The following RBFOX3 variants were observed in gnomAD, a reference collection of about 807,000 sequenced individuals.
RBFOX3 encodes the protein RNA binding protein fox-1 homolog 3.
In RBFOX3, 17 loss-of-function variants were observed where a neutral mutation model predicts 48.7. That is an observed-to-expected ratio of 0.35 (90% CI 0.24 to 0.52). RBFOX3 has a LOEUF of 0.52. Among genes scored for constraint, RBFOX3 ranks in the 20% least tolerant of loss-of-function variants. The pLI, the probability that RBFOX3 is intolerant of heterozygous loss-of-function variation, is 0.94. For synonymous variants in RBFOX3, 212 were observed against 209.5 expected (o/e 1.01, Z -0.10); for missense variants, 382 against 497.5 (o/e 0.77, Z 2.21).
At chr17:79,604,919 T>C (rs2093792946) in intron 1 of RBFOX3, among the ~76,000 whole-genome samples, 1 of 152,172 alleles carries the variant, frequency 6.6e-6, no homozygotes, top group Admixed American at 6.5e-5. Context: ...GGCATTTGCT[T>C]GGTGTCCAAG....
chr17:79,372,456 C>G lies in RBFOX3; in HGVS notation c.-174-64632G>C, dbSNP rs1221940024. ...ATGACCCCCCAGTTTTATGTCTCCC[C>G]CCTGGACTTATGGGCCAGTCCATGG... On this transcript the variant is annotated intron_variant, in intron 2 of 14. Transcript: ENST00000693108. Among the ~76,000 whole-genome samples, 3 of 150,740 alleles carry G rather than the reference C, an allele frequency of 2.0e-5. No individual in the cohort carries two copies. In the East Asian group the frequency reaches 5.9e-4, roughly 30 times the overall value.
At chr17:79,344,540 A>ATTAATTATTTATTTAT in intron 2 of RBFOX3, among the ~76,000 whole-genome samples, 1 of 147,436 alleles carries the variant, frequency 6.8e-6, no homozygotes, top group East Asian at 2.0e-4. Flanking sequence ...ACTTTGTTTG[A>ATTAATTATTTATTTAT]TTATTTATTT....
intron 3 of RBFOX3, among the ~76,000 whole-genome samples, chr17:79,275,404 T>G (rs1600356844): frequency 1.3e-5 from 2 of 152,222 alleles, no homozygotes; most frequent in African/African-American, 4.8e-5. Context: ...TGTTCTGTTC[T>G]CTGCTGAGCA....
At chr17:79,152,238 C>T (rs1209204284) in intron 4 of RBFOX3, among the ~76,000 whole-genome samples, 1 of 152,132 alleles carries the variant, frequency 6.6e-6, no homozygotes, top group Non-Finnish European at 1.5e-5. Flanking sequence ...CCCAGCTGCT[C>T]TCTAGCACCT....
chr17:79,276,187 G>A lies in RBFOX3; in HGVS notation c.-74+31537C>T, dbSNP rs78913255. ...GAGCAGAGCCATCCAGGGATGGAGA[G>A]CAGAGGACTGTCCCCCAAGGGCTGG... is the stretch of plus-strand genomic sequence containing the variant. On this transcript the variant is annotated intron_variant, in intron 3 of 14. Transcript: ENST00000693108. Among the ~76,000 whole-genome samples the A allele has an allele frequency of 2.8e-4, 43 of 152,344 alleles. No homozygotes were observed. In the East Asian group the frequency reaches 7.9e-3, roughly 28 times the overall value.
At chr17:79,627,436 T>C in the RBFOX3 span, among the ~76,000 whole-genome samples, 1 of 152,204 alleles carries the variant, frequency 6.6e-6, no homozygotes, top group Non-Finnish European at 1.5e-5. Context: ...GGCTCAGCTC[T>C]GCCTGCCTGC....
intron 2 of RBFOX3, among the ~76,000 whole-genome samples, chr17:79,431,416 C>T (rs1215703321): frequency 3.3e-5 from 5 of 152,048 alleles, no homozygotes; most frequent in East Asian, 1.9e-4. Context: ...CGGGTTCAAA[C>T]GATTCTCCTG....
intron 2 of RBFOX3, among the ~76,000 whole-genome samples, chr17:79,426,940 G>A (rs2148828696): frequency 6.6e-6 from 1 of 152,234 alleles, no homozygotes; most frequent in South Asian, 2.1e-4. Flanking sequence ...CTGACCTCAG[G>A]TGATCCACCC....
rs114231584 is a variant in RBFOX3 at position 79,280,283 on chromosome 17, C to T, written c.-74+27441G>A. Reference sequence around the variant, plus strand: ...CACCCTCCACACACATGCATATACGCACATGCACACACCACACATACACCC... The same window carrying T: ...CACCCTCCACACACATGCATATACGTACATGCACACACCACACATACACCC... On this transcript the variant is annotated intron_variant, in intron 3 of 14. Transcript: ENST00000693108. Among the ~76,000 whole-genome samples, 104 of 152,166 alleles carry T rather than the reference C, an allele frequency of 6.8e-4. 1 individual carries two copies. The highest frequency in any genetic ancestry group is 2.0e-3 in the African/African-American group (84 of 41,512).
At chr17:79,326,151 G>T (rs568146990) in intron 2 of RBFOX3, among the ~76,000 whole-genome samples, 1 of 152,190 alleles carries the variant, frequency 6.6e-6, no homozygotes, top group African/African-American at 2.4e-5. Flanking sequence ...TGTGGCATTG[G>T]GGGTAAGGGC....
At chr17:79,519,002 C>A (rs1335945379) in intron 1 of RBFOX3, among the ~76,000 whole-genome samples, 2 of 152,242 alleles carry the variant, frequency 1.3e-5, no homozygotes, top group Non-Finnish European at 2.9e-5. Context: ...GCGGGAGACG[C>A]GTCTTCAGGA....
intron 2 of RBFOX3, among the ~76,000 whole-genome samples, chr17:79,379,676 G>C (rs4789893): frequency 0.23 from 35,204 of 151,950 alleles, 5,215 homozygotes; most frequent in East Asian, 0.63. Flanking sequence ...TGCGCTTGTG[G>C]TGAGGGCCAC....
rs1480463766 is a variant in RBFOX3, at chr17:79,535,148, C to T, written c.-319-52550G>A. Among the ~76,000 whole-genome samples, 1 of 152,200 alleles carries T rather than the reference C, an allele frequency of 6.6e-6. No homozygotes were observed. Among genetic ancestry groups the T allele is most frequent in the African/African-American group, 2.4e-5 (1 of 41,456 alleles). On this transcript the variant is annotated intron_variant, in intron 1 of 14. Transcript: ENST00000693108. This position sits in a 1 kb window ranked among gnomAD's most constrained non-coding sequence, Gnocchi z 4.5. ...GGCGATTCAGCCCCTCTCTATGCCA[C>T]AAGGACACAGGTCCTGTCTCCTGCC...
At chr17:79,367,667 G>A (rs1048539670) in intron 2 of RBFOX3, among the ~76,000 whole-genome samples, 16 of 152,244 alleles carry the variant, frequency 1.1e-4, no homozygotes, top group African/African-American at 2.9e-4. Flanking sequence ...TGCAGCAGAG[G>A]AGAAAATGGC....
chr17:79,512,678 C>A (rs1301077152), intron 1 of RBFOX3, among the ~76,000 whole-genome samples: 10 of 108,836 alleles, frequency 9.2e-5, no homozygotes, highest in African/African-American at 2.4e-4. Context: ...CACCCGGATA[C>A]GTGTTACCAT....
intron 3 of RBFOX3, among the ~76,000 whole-genome samples, chr17:79,303,769 C>A (rs1454930678): frequency 6.6e-6 from 1 of 152,078 alleles, no homozygotes; most frequent in East Asian, 1.9e-4. Context: ...CTTCCACACA[C>A]TAGGTGCACG....
intron 2 of RBFOX3, among the ~76,000 whole-genome samples, chr17:79,413,972 T>C (rs919162677): frequency 6.6e-6 from 1 of 150,434 alleles, no homozygotes; most frequent in African/African-American, 2.5e-5. Flanking sequence ...TAGGGGGCTG[T>C]GAAGCTGTGT....
At chr17:79,415,166 A>C (rs2065124410) in intron 2 of RBFOX3, among the ~76,000 whole-genome samples, 1 of 152,202 alleles carries the variant, frequency 6.6e-6, no homozygotes, top group African/African-American at 2.4e-5. Context: ...GCCACCTACG[A>C]GGACCGCCTT....
At chr17:79,602,228 C>T (rs892465377) in intron 1 of RBFOX3, among the ~76,000 whole-genome samples, 1 of 152,338 alleles carries the variant, frequency 6.6e-6, no homozygotes, top group Non-Finnish European at 1.5e-5. Flanking sequence ...CTCTCCCTCC[C>T]GCCCTTTGGC....
Sources: allele counts gnomAD v4.1 joint callset (sites outside exome capture counted in the v4.1 genomes callset), GRCh38; gene constraint gnomAD v4.1.1; non-coding constraint Gnocchi (gnomAD v3.1); transcripts MANE v1.5; gene names NCBI Gene and HGNC (gene_info 2026-07-23, HGNC 2026-07-21).